ZNF540: variants seen among roughly 807,000 people sequenced by gnomAD.
ZNF540 encodes zinc finger protein 540.
A neutral mutation model predicts 11.8 loss-of-function variants in ZNF540; 3 were observed. The observed-to-expected ratio is 0.25, with a 90% CI of 0.12 to 0.65. The LOEUF (loss-of-function observed/expected upper bound fraction) is 0.65. Among genes scored for constraint, ZNF540 ranks in the 30% least tolerant of loss-of-function variants. ZNF540 has a pLI of 0.83. For synonymous variants in ZNF540, 247 were observed against 259.0 expected, an observed-to-expected ratio of 0.95 and a Z score of 0.45; for missense variants, 709 against 793.1, an observed-to-expected ratio of 0.89 and a Z score of 1.27.
intron 2 of ZNF540, among the ~76,000 whole-genome samples, chr19:37,599,177 TCGA>T (rs2044019542): frequency 7.2e-6 from 1 of 138,814 alleles, no homozygotes; most frequent in Non-Finnish European, 1.7e-5. Context: ...AATCGATTGA[TCGA>T]TAGATAGATA....
chr19:37,613,225 CAT>C lies in ZNF540; in HGVS notation c.1946_1947del (p.His649ProfsTer9). 1 of 1,532,200 alleles carries C rather than the reference CAT, an allele frequency of 6.5e-7. No homozygotes were observed. The highest frequency in any genetic ancestry group is 1.3e-5 in the South Asian group (1 of 76,204). 94.9% of individuals were successfully genotyped at this position (1,532,200 alleles called of 1,614,324 possible). ...TAGAAAGGCCTTTAGACAATATTCA[CAT>C]CTTTATCAACATCAGAAAACTCATA... ...VCRKAFRQYSHLYQHQKTHNV... is the reference protein window; with the variant it reads ...VCRKAFRQYSXLYQHQKTHNV... On this transcript the variant is annotated frameshift_variant, in exon 5 of 5. Coordinates refer to ENST00000316433, the MANE Select transcript of ZNF540 (RefSeq NM_001172225.3). LOFTEE classifies it low-confidence loss of function (END_TRUNC).
rs1032038617 is a variant in ZNF540, at chr19:37,612,824, G to T, written c.1544G>T (p.Arg515Ile). 6 of 1,614,052 alleles carry T rather than the reference G, an allele frequency of 3.7e-6. No individual in the cohort carries two copies. Among genetic ancestry groups the T allele is most frequent in the South Asian group, 3.3e-5 (3 of 91,078 alleles). Reference sequence around the variant, plus strand: ...GGTTTCTACCTTACTGAACACCAGAGAATTCACACTGGTGAAAAGCCCTAT... The same window carrying T: ...GGTTTCTACCTTACTGAACACCAGATAATTCACACTGGTGAAAAGCCCTAT... ...RFGFYLTEHQ[R>I]IHTGEKPYKC... Residue 515 changes from arginine to isoleucine, a missense_variant, in exon 5 of 5, where the codon AGA becomes ATA. By Grantham distance (97) the Arg-to-Ile change is moderately conservative. Transcript: ENST00000316433.
At chr19:37,583,821 T>C (rs1409979102) in intron 1 of ZNF540, 2 of 716,342 alleles carry the variant, frequency 2.8e-6, no homozygotes, top group Admixed American at 2.6e-5. Flanking sequence ...GTCTAAAGGA[T>C]AAGAGATAAA....
intron 1 of ZNF540, among the ~76,000 whole-genome samples, chr19:37,597,899 A>G (rs778460189): frequency 6.6e-6 from 1 of 152,240 alleles, no homozygotes; most frequent in Non-Finnish European, 1.5e-5. Flanking sequence ...ACAAAAACAT[A>G]TGGGCGGGCC....
chr19:37,587,956 C>T (rs1030008724), intron 1 of ZNF540, among the ~76,000 whole-genome samples: 1 of 151,694 alleles, frequency 6.6e-6, no homozygotes, highest in African/African-American at 2.4e-5. Context: ...AAAAATTAGC[C>T]AGGCATGGTG....
intron 1 of ZNF540, chr19:37,584,290 C>T (rs971350095): frequency 6.5e-6 from 4 of 617,132 alleles, no homozygotes; most frequent in Middle Eastern, 3.9e-4. Context: ...TACAATAGAA[C>T]AATTCCATTA....
At chr19:37,572,148 T>C (rs1181459449) in intron 1 of ZNF540, among the ~76,000 whole-genome samples, 1 of 152,152 alleles carries the variant, frequency 6.6e-6, no homozygotes, top group Non-Finnish European at 1.5e-5. Context: ...CTGTTACCCC[T>C]ATCACTTAAC....
chr19:37,596,056 G>A, intron 1 of ZNF540, among the ~76,000 whole-genome samples: 1 of 152,120 alleles, frequency 6.6e-6, no homozygotes, highest in East Asian at 1.9e-4. Context: ...GACATTGTGT[G>A]TTATCTTCAA....
intron 1 of ZNF540, among the ~76,000 whole-genome samples, chr19:37,551,890 C>G (rs944311387): frequency 7.3e-5 from 11 of 151,584 alleles, no homozygotes; most frequent in Non-Finnish European, 1.2e-4. Context: ...CGCCGTTTCT[C>G]TGTAGTCCGC....
At chr19:37,553,113 CTTTTTTTTTTTTTTTTTTT>C (rs746114598) in intron 1 of ZNF540, among the ~76,000 whole-genome samples, 14 of 33,130 alleles carry the variant, frequency 4.2e-4, no homozygotes, top group East Asian at 7.4e-4. Context: ...AACCTAACAT[CTTTTTTTTTTTTTTTTTTT>C]TTTTTTTTTT....
At position 37,557,564 on chromosome 19, in the gene ZNF540, C is replaced by T. The variant is rs549135586; in HGVS notation, c.-73+5899C>T. On this transcript the variant is annotated intron_variant, in intron 1 of 4. Coordinates refer to the ZNF540 transcript ENST00000592533. The stretch of plus-strand genomic sequence containing the variant: ...ACAGCTGCACCGGCCTTTCGTACTC[C>T]CTGCTCGAGAAAGCTGCTACCGTCT... Among the ~76,000 whole-genome samples, 192 of 152,298 alleles carry T rather than the reference C, an allele frequency of 1.3e-3. 6 individuals carry two copies. In the South Asian group the frequency reaches 0.039, roughly 31 times the overall value.
At position 37,562,056 on chromosome 19, in the gene ZNF540, G is replaced by A. The variant is rs570402077; in HGVS notation, c.-73+10391G>A. Among the ~76,000 whole-genome samples the A allele has an allele frequency of 2.0e-5, 3 of 152,296 alleles. No individual in the cohort carries two copies. The South Asian group carries it at 6.2e-4, about 32-fold the overall frequency. On this transcript the variant is annotated intron_variant, in intron 1 of 4. Coordinates refer to the ZNF540 transcript ENST00000592533. ...CTATATACAATCAGTGGTTTCCAGA[G>A]TGATGACAATTCAGTGGGCTGCAAT... is the stretch of plus-strand genomic sequence containing the variant.
chr19:37,565,594 G>T, intron 1 of ZNF540: 1 of 1,613,342 alleles, frequency 6.2e-7, no homozygotes, highest in Non-Finnish European at 8.5e-7. Flanking sequence ...TACATTCATA[G>T]GGTTTTTCAC....
rs937753552 is a variant in ZNF540 at position 37,564,509 on chromosome 19, G to C, written c.-73+12844G>C. ...AATGTAGGCCTTCTAAGAATGAGCA[G>C]ATTCTGAGCAGAAGCAAGATGTTCT... is the stretch of plus-strand genomic sequence containing the variant. On this transcript the variant is annotated intron_variant, in intron 1 of 4. Coordinates refer to the ZNF540 transcript ENST00000592533. 7.9e-6 allele frequency: 10 copies of C among 1,270,372 alleles called. No homozygotes were observed. In the African/African-American group the frequency reaches 1.3e-4, roughly 17 times the overall value. 78.7% of individuals were successfully genotyped at this position (1,270,372 alleles called of 1,614,324 possible).
intron 1 of ZNF540, among the ~76,000 whole-genome samples, chr19:37,574,461 A>G (rs1425064969): frequency 6.6e-6 from 1 of 152,192 alleles, no homozygotes; most frequent in African/African-American, 2.4e-5. Context: ...TCCCATAACT[A>G]TTCCCCAAAT....
intron 1 of ZNF540, chr19:37,564,489 A>T: frequency 2.1e-6 from 2 of 969,248 alleles, no homozygotes; most frequent in Admixed American, 3.3e-5. Context: ...ATGTTAATGT[A>T]GGCCTTCTAA....
At chr19:37,558,770 T>C (rs1045667368) in intron 1 of ZNF540, among the ~76,000 whole-genome samples, 1 of 152,152 alleles carries the variant, frequency 6.6e-6, no homozygotes, top group African/African-American at 2.4e-5. Flanking sequence ...TTATCCAGAA[T>C]GTGTCTCCAA....
intron 1 of ZNF540, among the ~76,000 whole-genome samples, chr19:37,596,356 G>A (rs2147223222): frequency 6.6e-6 from 1 of 152,286 alleles, no homozygotes; most frequent in Middle Eastern, 3.4e-3. Flanking sequence ...AGGCTGGAGT[G>A]CAGTGGTGCA....
chr19:37,570,077 T>C (rs916689654), intron 1 of ZNF540: 1 of 152,140 alleles, frequency 6.6e-6, no homozygotes, highest in Non-Finnish European at 1.5e-5. Flanking sequence ...GTAATAGCCT[T>C]ACTATCCTTA....
Sources: gnomAD v4.1 joint callset for allele counts (sites outside exome capture counted in the v4.1 genomes callset) on GRCh38, gnomAD v4.1.1 for gene constraint, MANE v1.5 for transcripts, NCBI Gene and HGNC (gene_info 2026-07-23, HGNC 2026-07-21) for gene names.